Variants in DNM1L observed in about 807,000 individuals in gnomAD.
DNM1L encodes the protein dynamin 1L.
Under a neutral mutation model 92.8 loss-of-function variants are expected in DNM1L, and 33 were observed. That is an observed-to-expected ratio of 0.36 (90% CI 0.27 to 0.48). The LOEUF (loss-of-function observed/expected upper bound fraction) is 0.48, where lower values mean the gene tolerates loss of function less well. Among genes scored for constraint, DNM1L ranks in the 20% least tolerant of loss-of-function variants. The probability of loss-of-function intolerance (pLI) is 0.99; values close to 1 mark genes in which losing one functional copy is unlikely to be tolerated. For missense variants in DNM1L, 485 were observed against 888.8 expected (o/e 0.55, Z 5.78); for synonymous variants, 284 against 305.0 (o/e 0.93, Z 0.72).
intron 1 of DNM1L, among the ~76,000 whole-genome samples, chr12:32,684,496 G>A (rs1035261933): frequency 7.0e-5 from 8 of 114,820 alleles, no homozygotes; most frequent in African/African-American, 1.1e-4. Flanking sequence ...TTTCTTTTTT[G>A]AGACAGAGTT....
intron 2 of DNM1L, among the ~76,000 whole-genome samples, chr12:32,703,505 G>C (rs1251769642): frequency 1.3e-5 from 2 of 149,450 alleles, no homozygotes; most frequent in Non-Finnish European, 3.0e-5. Context: ...TTCTAACCCA[G>C]AGAAAATTAG....
chr12:32,703,594 A>G (rs1952797945), intron 2 of DNM1L, among the ~76,000 whole-genome samples: 1 of 147,046 alleles, frequency 6.8e-6, no homozygotes, highest in South Asian at 2.1e-4. Flanking sequence ...GAGAGGAGAA[A>G]GGGAAGAAAC....
rs1308058855 is a variant in DNM1L at position 32,713,266 on chromosome 12, C to T, written c.514C>T (p.Arg172Trp). ...GCTTCAAATCAGAGAGCTCATTCTT[C>T]GGTTCATCAGTAATCCTAATTCCAT... ...IELQIRELIL[R>W]FISNPNSIIL... is the part of the protein sequence containing the mutation. Residue 172 changes from arginine (R) to tryptophan (W), a missense_variant, in exon 6 of 20, where the codon CGG (arginine) becomes TGG (tryptophan). Coordinates refer to ENST00000549701, the MANE Select transcript of DNM1L (RefSeq NM_012062.5). The T allele has an allele frequency of 1.9e-6, 3 of 1,613,748 alleles. No homozygotes were observed. The highest frequency in any genetic ancestry group is 1.7e-6 in the Non-Finnish European group (2 of 1,179,934).
intron 9 of DNM1L, among the ~76,000 whole-genome samples, chr12:32,730,584 G>GT (rs1215408983): frequency 6.6e-6 from 1 of 152,060 alleles, no homozygotes; most frequent in Non-Finnish European, 1.5e-5. Context: ...GAGTTGAGTA[G>GT]TTGCAGCAGA....
intron 4 of DNM1L, 81 bp from the exon 5 acceptor site, chr12:32,710,848 A>G: frequency 1.7e-6 from 2 of 1,150,454 alleles, no homozygotes; most frequent in South Asian, 2.9e-5. Flanking sequence ...TTTTAAAAGC[A>G]TTAATGTCTA....
chr12:32,726,697 G>A (rs575615330), intron 9 of DNM1L: 80 of 655,746 alleles, frequency 1.2e-4, no homozygotes, highest in Non-Finnish European at 8.0e-5. Context: ...GTCACAATAC[G>A]AATTGTCCCA....
chr12:32,718,204 C>G (rs992445645), intron 6 of DNM1L, among the ~76,000 whole-genome samples: 1 of 147,862 alleles, frequency 6.8e-6, no homozygotes, highest in African/African-American at 2.5e-5. Context: ...TGCAATGGCA[C>G]GATCTCAGCT....
At chr12:32,684,691 ACTC>A (rs1485387804) in intron 1 of DNM1L, among the ~76,000 whole-genome samples, 1 of 151,694 alleles carries the variant, frequency 6.6e-6, no homozygotes, top group East Asian at 1.9e-4. Flanking sequence ...CTGGTCTCGA[ACTC>A]CTGACCTCAA....
At position 32,745,011 on chromosome 12, in the gene DNM1L, T is replaced by TTAAC. The variant is rs759279939; in HGVS notation, c.*1603_*1606dup. 2.7e-5 allele frequency: 14 copies of TTAAC among 516,406 alleles called. No homozygotes were observed. Among genetic ancestry groups the TTAAC allele is most frequent in the South Asian group, 2.0e-4 (14 of 70,638 alleles). The allele number at this position is 516,406 out of a possible 1,614,324, so 32.0% of individuals were successfully genotyped here. Reference sequence around the variant, plus strand: ...TATTGGCAGGGAAAATATGAATATGTTAACTTTAGCTTATGGCATCAATTT... The same window carrying TTAAC: ...TATTGGCAGGGAAAATATGAATATGTTAACTAACTTTAGCTTATGGCATCAATTT... On this transcript the variant is annotated 3_prime_UTR_variant, in exon 20 of 20. Transcript: ENST00000549701.
At chr12:32,707,554 AC>A in intron 3 of DNM1L, 141 bp downstream of exon 3, 1 of 596,910 alleles carries the variant, frequency 1.7e-6, no homozygotes, top group Non-Finnish European at 2.7e-6. Flanking sequence ...AATCTTAGTA[AC>A]ATTTCTAACC....
At chr12:32,704,921 A>G (rs1214455657) in intron 2 of DNM1L, among the ~76,000 whole-genome samples, 1 of 150,680 alleles carries the variant, frequency 6.6e-6, no homozygotes, top group Non-Finnish European at 1.5e-5. Flanking sequence ...TGAAAGATGT[A>G]TTTAGTATAT....
chr12:32,702,631 TTC>T (rs1270115750), intron 2 of DNM1L, among the ~76,000 whole-genome samples: 1 of 152,156 alleles, frequency 6.6e-6, no homozygotes. Flanking sequence ...TTATTTTAAT[TTC>T]TGTGTCTGAT....
chr12:32,742,461 T>G (rs1180421190), intron 18 of DNM1L, 128 bp from the exon 19 acceptor site: 1 of 1,178,982 alleles, frequency 8.5e-7, no homozygotes, highest in African/African-American at 1.5e-5. Context: ...AGGGCGATTA[T>G]GCCATTAATG....
At chr12:32,742,261 C>T (rs148758362) in intron 18 of DNM1L, among the ~76,000 whole-genome samples, 1,556 of 152,256 alleles carry the variant, frequency 0.01, 34 homozygotes, top group African/African-American at 0.035. Flanking sequence ...TGTGCCACCA[C>T]ACTCAGCTAA....
At chr12:32,695,359 A>G (rs180975412) in intron 1 of DNM1L, among the ~76,000 whole-genome samples, 6 of 152,336 alleles carry the variant, frequency 3.9e-5, no homozygotes, top group Non-Finnish European at 8.8e-5. Context: ...AAAACAAACA[A>G]AAACTGTGAG....
chr12:32,681,581 T>G (rs1190341956), intron 1 of DNM1L, among the ~76,000 whole-genome samples: 2 of 29,240 alleles, frequency 6.8e-5, no homozygotes, highest in Admixed American at 3.6e-4. Flanking sequence ...CCCGCCCCTA[T>G]TTTCTCCCCA....
chr12:32,717,233 A>C lies in DNM1L; in HGVS notation c.620-1410A>C, dbSNP rs1481443276. 1.1e-4 allele frequency among the ~76,000 whole-genome samples: 12 copies of C among 108,878 alleles called. 1 individual carries two copies. Among genetic ancestry groups the C allele is most frequent in the Admixed American group, 9.0e-4 (7 of 7,774 alleles). 71.4% of individuals were successfully genotyped at this position (108,878 alleles called of 152,430 possible). ...CTATAAAATATATAGTATATATTAT[A>C]TATATTTTATATATAGTATATATAG... On this transcript the variant is annotated intron_variant, in intron 6 of 19. Coordinates refer to ENST00000549701, the MANE Select transcript of DNM1L (RefSeq NM_012062.5).
chr12:32,736,741 A>T (rs1306158604), intron 13 of DNM1L, among the ~76,000 whole-genome samples: 1 of 152,136 alleles, frequency 6.6e-6, no homozygotes, highest in Non-Finnish European at 1.5e-5. Context: ...CCACATGGTT[A>T]TGTTGAAGGC....
chr12:32,718,573 A>G, intron 6 of DNM1L, 70 bp from the exon 7 acceptor site: 1 of 1,600,202 alleles, frequency 6.2e-7, no homozygotes, highest in Non-Finnish European at 8.5e-7. Context: ...CTTTATTAAC[A>G]CTAAATAGTT....
Sources: allele counts gnomAD v4.1 joint callset (sites outside exome capture counted in the v4.1 genomes callset), GRCh38; gene constraint gnomAD v4.1.1; transcripts MANE v1.5; gene names NCBI Gene and HGNC (gene_info 2026-07-23, HGNC 2026-07-21).